The following FAM20A variants were observed in gnomAD, a reference collection of about 807,000 sequenced individuals.
FAM20A encodes the protein FAM20A golgi associated secretory pathway pseudokinase, also known as pseudokinase FAM20A.
In FAM20A, 42 loss-of-function variants were observed where a neutral mutation model predicts 52.0. The observed-to-expected ratio is 0.81, with a 90% CI of 0.63 to 1.04. The LOEUF (loss-of-function observed/expected upper bound fraction) is 1.04, where lower values mean the gene tolerates loss of function less well. Ranked by LOEUF, FAM20A falls within the 50% of genes least tolerant of loss-of-function variation. FAM20A has a pLI of 0.00. For synonymous variants in FAM20A, 304 were observed against 298.9 expected, an observed-to-expected ratio of 1.02 and a Z score of -0.18; for missense variants, 742 against 712.7, an observed-to-expected ratio of 1.04 and a Z score of -0.47.
At chr17:68,544,975 A>G (rs2086481363) in intron 4 of FAM20A, among the ~76,000 whole-genome samples, 1 of 152,226 alleles carries the variant, frequency 6.6e-6, no homozygotes, top group Non-Finnish European at 1.5e-5. Flanking sequence ...TGCACGTCTC[A>G]TTGCACATTA....
At chr17:68,579,137 G>T (rs544384337) in intron 1 of FAM20A, among the ~76,000 whole-genome samples, 4 of 152,122 alleles carry the variant, frequency 2.6e-5, no homozygotes, top group Non-Finnish European at 4.4e-5. Flanking sequence ...AGACTCCAAG[G>T]TTAGGAAAGG....
intron 2 of FAM20A, 134 bp from the exon 3 acceptor site, chr17:68,554,961 C>T (rs574268128): frequency 2.1e-5 from 18 of 862,614 alleles, no homozygotes; most frequent in Admixed American, 4.0e-5. Context: ...TTGACCACTC[C>T]GTGGGAGGTC....
At position 68,537,534 on chromosome 17, in the gene FAM20A, G is replaced by T; in HGVS notation, c.1569C>A (p.Val523=). 2 of 1,613,794 alleles carry T rather than the reference G, an allele frequency of 1.2e-6. No individual in the cohort carries two copies. The highest frequency in any genetic ancestry group is 1.7e-6 in the Non-Finnish European group (2 of 1,179,884). The stretch of plus-strand genomic sequence containing the variant: ...GGGCCAACTGTTCCACTGGGCCGTC[G>T]ACTATGACACTCTGCTGTCCATGGG... The part of the protein sequence containing the change: ...IVAHGQQSVI[V]DGPVEQLAPD... The change falls in exon 11 of 11, where the codon GTC becomes GTA. Residue 523 remains valine (V), a synonymous_variant. Coordinates refer to ENST00000592554, the MANE Select transcript of FAM20A (RefSeq NM_017565.4). This position sits in a 1 kb window ranked among gnomAD's most constrained non-coding sequence, Gnocchi z 4.2.
chr17:68,539,325 A>G lies in FAM20A; in HGVS notation c.1361+12T>C, dbSNP rs1477117533. ...GTTACTTGCCCGTATTATCTGCTGC[A>G]GGAAAACTTACATGCAGCACTGGGA... On this transcript the variant is annotated intron_variant, in intron 10 of 10. Transcript: ENST00000592554. 6.2e-7 allele frequency: 1 copy of G among 1,614,144 alleles called. No individual in the cohort carries two copies. Among genetic ancestry groups the G allele is most frequent in the Non-Finnish European group, 8.5e-7 (1 of 1,179,936 alleles).
intron 1 of FAM20A, among the ~76,000 whole-genome samples, chr17:68,575,479 T>G (rs1230617607): frequency 2.9e-4 from 29 of 99,304 alleles, no homozygotes; most frequent in South Asian, 1.7e-3. Flanking sequence ...ATATATTTTA[T>G]ATATTATATA....
At chr17:68,589,105 T>C (rs1302562964) in intron 1 of FAM20A, among the ~76,000 whole-genome samples, 1 of 152,232 alleles carries the variant, frequency 6.6e-6, no homozygotes, top group Admixed American at 6.5e-5. Flanking sequence ...TGGCCTGTAC[T>C]TCAAGAGGCT....
At chr17:68,593,772 C>T (rs776277624) in intron 1 of FAM20A, among the ~76,000 whole-genome samples, 8 of 152,198 alleles carry the variant, frequency 5.3e-5, no homozygotes, top group Non-Finnish European at 1.0e-4. Flanking sequence ...CTTTTCATGC[C>T]AAGGGCAAGT....
intron 1 of FAM20A, among the ~76,000 whole-genome samples, chr17:68,592,409 T>G (rs1025125873): frequency 6.6e-6 from 1 of 152,232 alleles, no homozygotes; most frequent in Admixed American, 6.5e-5. Flanking sequence ...CTGGTGAAAC[T>G]GAGACCCTGT....
Position 68,600,340 on chromosome 17 carries a change from G to T in FAM20A, c.327C>A (p.Leu109=). Residue 109 remains leucine (L), a synonymous_variant, in exon 1 of 11, where the codon CTC becomes CTA. Coordinates refer to ENST00000592554, the MANE Select transcript of FAM20A (RefSeq NM_017565.4). This position sits in a 1 kb window ranked among gnomAD's most constrained non-coding sequence, Gnocchi z 6.2. ...PLYNVPEEPP[L]LGAEDSLLAS... Reference sequence around the variant, plus strand: ...CCAGGAGCGAGTCCTCGGCTCCCAGGAGAGGCGGCTCCTCCGGGACGTTGT... The same window carrying T: ...CCAGGAGCGAGTCCTCGGCTCCCAGTAGAGGCGGCTCCTCCGGGACGTTGT... 4 of 1,598,468 alleles carry T rather than the reference G, an allele frequency of 2.5e-6. No homozygotes were observed. The highest frequency in any genetic ancestry group is 2.6e-6 in the Non-Finnish European group (3 of 1,173,310).
chr17:68,572,034 A>G (rs1286907149), intron 1 of FAM20A, among the ~76,000 whole-genome samples: 1 of 112,438 alleles, frequency 8.9e-6, no homozygotes, highest in Non-Finnish European at 1.8e-5. Flanking sequence ...ATATATATAT[A>G]TATATATGTA....
At chr17:68,594,212 C>T (rs952297521) in intron 1 of FAM20A, among the ~76,000 whole-genome samples, 2 of 152,098 alleles carry the variant, frequency 1.3e-5, no homozygotes, top group African/African-American at 2.4e-5. Flanking sequence ...GAGATCGAGA[C>T]CATGGTGAAA....
chr17:68,575,094 A>G (rs2087689460), intron 1 of FAM20A: 1 of 152,054 alleles, frequency 6.6e-6, no homozygotes, highest in Non-Finnish European at 1.5e-5. Context: ...CCAGAAGCTG[A>G]AAGAGATAAG....
chr17:68,591,028 G>A (rs918841964), intron 1 of FAM20A, among the ~76,000 whole-genome samples: 8 of 152,178 alleles, frequency 5.3e-5, no homozygotes, highest in Non-Finnish European at 1.0e-4. Context: ...CACAGGAAGG[G>A]ATGAAGATAA....
At chr17:68,562,577 C>T (rs1441621669) in intron 1 of FAM20A, among the ~76,000 whole-genome samples, 1 of 152,064 alleles carries the variant, frequency 6.6e-6, no homozygotes, top group East Asian at 1.9e-4. Flanking sequence ...TTTCTCATTC[C>T]TCCATGTGTC....
chr17:68,555,728 G>C lies in FAM20A; in HGVS notation c.420C>G (p.Tyr140Ter). The C allele has an allele frequency of 6.2e-7, 1 of 1,614,006 alleles. No individual in the cohort carries two copies. Among genetic ancestry groups the C allele is most frequent in the Non-Finnish European group, 8.5e-7 (1 of 1,180,014 alleles). Reference protein sequence around the residue: ...VARWNRRHKMYREQMNLTSLD... With the variant: ...VARWNRRHKM Reference sequence around the variant, plus strand: ...GGGAGGTAAGGTTCATCTGCTCTCTGTACATCTTGTGTCGCCTGAAAGAGC... The same window carrying C: ...GGGAGGTAAGGTTCATCTGCTCTCTCTACATCTTGTGTCGCCTGAAAGAGC... The change falls in exon 2 of 11, where the codon TAC becomes TAG. Residue 140 changes from tyrosine (Y) to a stop codon, truncating the protein, a stop_gained. Transcript: ENST00000592554. LOFTEE classifies it high-confidence loss of function.
chr17:68,548,889 C>T (rs898922462), intron 4 of FAM20A, among the ~76,000 whole-genome samples: 9 of 151,618 alleles, frequency 5.9e-5, no homozygotes, highest in Admixed American at 2.0e-4. Context: ...CCCACCACCA[C>T]GCCCGGCTAA....
At chr17:68,553,833 CAT>C (rs1393343143) in intron 3 of FAM20A, among the ~76,000 whole-genome samples, 2 of 149,062 alleles carry the variant, frequency 1.3e-5, no homozygotes, top group Admixed American at 1.3e-4. Flanking sequence ...TGCATATATA[CAT>C]AGACACACAT....
intron 1 of FAM20A, among the ~76,000 whole-genome samples, chr17:68,563,821 C>T (rs945183325): frequency 4.9e-4 from 75 of 152,142 alleles, no homozygotes; most frequent in Non-Finnish European, 1.0e-3. Context: ...CTTCAAGGAC[C>T]ACCTCAGATG....
intron 3 of FAM20A, among the ~76,000 whole-genome samples, chr17:68,553,971 TAC>T (rs1360575365): frequency 1.3e-4 from 15 of 119,250 alleles, no homozygotes; most frequent in South Asian, 5.2e-4. Flanking sequence ...TATACATATA[TAC>T]ACACATGCAT....
Sources: gnomAD v4.1 joint callset for allele counts (sites outside exome capture counted in the v4.1 genomes callset) on GRCh38, gnomAD v4.1.1 for gene constraint, Gnocchi (gnomAD v3.1) non-coding constraint, MANE v1.5 for transcripts, NCBI Gene and HGNC (gene_info 2026-07-23, HGNC 2026-07-21) for gene names.